BCAS2: variants seen among roughly 807,000 people sequenced by gnomAD.
The protein encoded by BCAS2 is pre-mRNA-splicing factor SPF27.
In BCAS2, 34 loss-of-function variants were observed where a neutral mutation model predicts 35.3. That is an observed-to-expected ratio of 0.96 (90% CI 0.73 to 1.28). The LOEUF (loss-of-function observed/expected upper bound fraction) is 1.28, where lower values mean the gene tolerates loss of function less well. BCAS2 is among the 50% of genes most tolerant of loss of function. BCAS2 has a pLI of 0.00. For synonymous variants in BCAS2, 75 were observed against 91.6 expected (o/e 0.82, Z 1.03); for missense variants, 221 against 268.1 (o/e 0.82, Z 1.23).
At chr1:114,570,579 G>T (rs1654619341) in intron 5 of BCAS2, 121 bp downstream of exon 5, 10 of 720,910 alleles carry the variant, frequency 1.4e-5, no homozygotes, top group Non-Finnish European at 2.3e-5. Flanking sequence ...GTTGAACAAA[G>T]AGAGTGGATC....
intron 4 of BCAS2, among the ~76,000 whole-genome samples, chr1:114,573,122 CAAAAAAAAAA>C (rs34796829): frequency 3.1e-4 from 2 of 6,368 alleles, no homozygotes; most frequent in Non-Finnish European, 5.3e-4. Context: ...CCCCCACCTC[CAAAAAAAAAA>C]AAAAAAAAAA....
chr1:114,572,614 T>G (rs1654670551), intron 4 of BCAS2, among the ~76,000 whole-genome samples: 1 of 152,126 alleles, frequency 6.6e-6, no homozygotes, highest in South Asian at 2.1e-4. Context: ...GAGACAATAC[T>G]AGAAGCAGAA....
intron 2 of BCAS2, among the ~76,000 whole-genome samples, chr1:114,577,404 C>T (rs1053661637): frequency 2.6e-5 from 4 of 151,948 alleles, no homozygotes; most frequent in Non-Finnish European, 5.9e-5. Context: ...CGAAGTCTCG[C>T]TCTTGTCCCC....
rs978861684 is a variant in BCAS2 at position 114,568,072 on chromosome 1, A to G, written c.*58T>C. The G allele has an allele frequency of 1.4e-5, 22 of 1,604,306 alleles. No homozygotes were observed. The African/African-American group carries it at 1.5e-4, about 11-fold the overall frequency. ...TGCTGTTGTCCTTCAAAGTTCATTA[A>G]AAGTTCAGATGCCTTTTGTGAAAGC... On this transcript the variant is annotated 3_prime_UTR_variant, in exon 7 of 7. Transcript: ENST00000369541.
At position 114,567,875 on chromosome 1, in the gene BCAS2, T is replaced by C. The variant is rs115509296; in HGVS notation, c.*255A>G. 5.8e-3 allele frequency: 2,027 copies of C among 347,898 alleles called. 32 individuals are homozygous for C. Among genetic ancestry groups the C allele is most frequent in the African/African-American group, 0.039 (1,850 of 48,026 alleles). The allele number at this position is 347,898 out of a possible 1,614,324, so 21.6% of individuals were successfully genotyped here. On this transcript the variant is annotated 3_prime_UTR_variant, in exon 7 of 7. Transcript: ENST00000369541. ...GCTGAAAATTAATTCTATGACACAATATTATTCTAAAGTCATCCTTATTTT... is the reference window on the plus strand; with the variant it reads ...GCTGAAAATTAATTCTATGACACAACATTATTCTAAAGTCATCCTTATTTT...
rs1557929343 is a variant in BCAS2 at position 114,568,149 on chromosome 1, TTTTC to T, written c.655_658del (p.Glu219ThrfsTer11). ...GTCTTTTCAGAAGTCTTGCCGGATG[TTTTC>T]TTTGTTTGCCTCTCCATGTTGCTGC... On this transcript the variant is annotated frameshift_variant, in exon 7 of 7. Transcript: ENST00000369541. LOFTEE classifies it high-confidence loss of function. 3 of 1,612,872 alleles carry T rather than the reference TTTTC, an allele frequency of 1.9e-6. No individual in the cohort carries two copies. The African/African-American group carries it at 4.0e-5, about 22-fold the overall frequency.
rs1215863899 is a variant in BCAS2, at chr1:114,570,714, T to C, written c.456A>G (p.Glu152=). 1 of 1,590,664 alleles carries C rather than the reference T, an allele frequency of 6.3e-7. No individual in the cohort carries two copies. Among genetic ancestry groups the C allele is most frequent in the South Asian group, 1.1e-5 (1 of 88,938 alleles). The change falls in exon 5 of 7, where the codon GAA becomes GAG. Residue 152 remains glutamate, a synonymous_variant. Coordinates refer to ENST00000369541, the MANE Select transcript of BCAS2 (RefSeq NM_005872.3). ...AAACAATTTACCTTAACTTCTGAAG[T>C]TCCTTCTGTGCGTGTTCAATCATAT... ...LVHMIEHAQK[E]LQKLRKHIQD...
At chr1:114,571,352 T>C (rs1431544978) in intron 4 of BCAS2, among the ~76,000 whole-genome samples, 1 of 152,040 alleles carries the variant, frequency 6.6e-6, no homozygotes, top group African/African-American at 2.4e-5. Flanking sequence ...TGAGCCACTG[T>C]ACCCAGCTTT....
chr1:114,574,303 G>A (rs1282223800), intron 4 of BCAS2, among the ~76,000 whole-genome samples: 1 of 152,214 alleles, frequency 6.6e-6, no homozygotes, highest in Non-Finnish European at 1.5e-5. Context: ...GATGAACAAG[G>A]AGGTGCTTTG....
intron 3 of BCAS2, 104 bp downstream of exon 3, chr1:114,576,584 G>A (rs1427326443): frequency 7.4e-5 from 70 of 949,846 alleles, no homozygotes; most frequent in South Asian, 2.2e-4. Flanking sequence ...CACCACACCC[G>A]GCCAACACTG....
intron 5 of BCAS2, 53 bp downstream of exon 5, chr1:114,570,647 A>G (rs1313231507): frequency 4.9e-6 from 6 of 1,221,942 alleles, no homozygotes; most frequent in Non-Finnish European, 7.0e-6. Context: ...CCTATTTTCT[A>G]TTTATTAAAG....
intron 4 of BCAS2, among the ~76,000 whole-genome samples, chr1:114,575,036 C>CTTTT (rs546575497): frequency 7.1e-6 from 1 of 140,270 alleles, no homozygotes; most frequent in Non-Finnish European, 1.6e-5. Flanking sequence ...GCCGGCTAAT[C>CTTTT]TTTTTTTTTT....
intron 6 of BCAS2, among the ~76,000 whole-genome samples, chr1:114,568,693 A>C (rs1307583595): frequency 6.6e-6 from 1 of 151,290 alleles, no homozygotes; most frequent in Non-Finnish European, 1.5e-5. Context: ...CTTTCCATTA[A>C]AAAAAAATCA....
At position 114,581,559 on chromosome 1, in the gene BCAS2, A is replaced by C; in HGVS notation, c.33T>G (p.Val11=). The stretch of plus-strand genomic sequence containing the variant: ...CAAAATACGGCAGCGCATCCACCAC[A>C]ACCTCTCCAGCCACCAAACCTGTGC... MAGTGLVAGE[V]VVDALPYFDQ... The change falls in exon 1 of 7, where the codon GTT becomes GTG. Residue 11 remains valine (V), a synonymous_variant. Transcript: ENST00000369541. The C allele has an allele frequency of 6.2e-7, 1 of 1,613,536 alleles. No homozygotes were observed. The highest frequency in any genetic ancestry group is 1.1e-5 in the South Asian group (1 of 91,050).
rs190434410 is a variant in BCAS2, at chr1:114,570,321, C to T, written c.471-249G>A. Among the ~76,000 whole-genome samples, 174 of 152,256 alleles carry T rather than the reference C, an allele frequency of 1.1e-3. 2 individuals carry two copies. The highest frequency in any genetic ancestry group is 3.5e-3 in the Admixed American group (53 of 15,276). Reference sequence around the variant, plus strand: ...ACAGATTACAAGTCTCAAGTCCCCCCTCTCATGCATGTCTCCTTTTTCCTG... The same window carrying T: ...ACAGATTACAAGTCTCAAGTCCCCCTTCTCATGCATGTCTCCTTTTTCCTG... On this transcript the variant is annotated intron_variant, in intron 5 of 6. Coordinates refer to ENST00000369541, the MANE Select transcript of BCAS2 (RefSeq NM_005872.3).
In BCAS2 at chr1:114,575,586, T is replaced by C. The variant is rs748081446; in HGVS notation, c.419+4A>G. 6.3e-7 allele frequency: 1 copy of C among 1,580,950 alleles called. No individual in the cohort carries two copies. Among genetic ancestry groups the C allele is most frequent in the Non-Finnish European group, 8.5e-7 (1 of 1,170,676 alleles). ...AAACAGAAGATGAAGAAAAAGGTTC[T>C]TACTCATTGTATACTTTCCAGGCAT... On this transcript the variant is annotated splice_donor_region_variant and intron_variant, in intron 4 of 6. Transcript: ENST00000369541.
chr1:114,569,292 G>A (rs1460011310), intron 6 of BCAS2, among the ~76,000 whole-genome samples: 5 of 151,854 alleles, frequency 3.3e-5, no homozygotes, highest in South Asian at 4.2e-4. Context: ...CATGGAGACG[G>A]TGGAACAAGA....
chr1:114,570,092 CA>C lies in BCAS2; in HGVS notation c.471-21del. On this transcript the variant is annotated intron_variant, in intron 5 of 6. Transcript: ENST00000369541. ...TGTTTTCTGTAAAAAATTATTTATA[CA>C]ACCCAATTACATTTTAATGTAAGAC... 1 of 1,541,728 alleles carries C rather than the reference CA, an allele frequency of 6.5e-7. No individual in the cohort carries two copies. Among genetic ancestry groups the C allele is most frequent in the Non-Finnish European group, 8.9e-7 (1 of 1,118,004 alleles).
intron 5 of BCAS2, among the ~76,000 whole-genome samples, chr1:114,570,449 T>C (rs1036053032): frequency 6.6e-6 from 1 of 152,196 alleles, no homozygotes; most frequent in African/African-American, 2.4e-5. Context: ...TTCTGCAACT[T>C]TTCCCACTCT....
Sources: allele counts gnomAD v4.1 joint callset (sites outside exome capture counted in the v4.1 genomes callset), GRCh38; gene constraint gnomAD v4.1.1; transcripts MANE v1.5; gene names NCBI Gene and HGNC (gene_info 2026-07-23, HGNC 2026-07-21).